Variants in PCDH15 observed in about 807,000 individuals in gnomAD.
The protein encoded by PCDH15 is protocadherin-15.
A neutral mutation model predicts 178.5 loss-of-function variants in PCDH15; 129 were observed. The observed-to-expected ratio is 0.72, with a 90% confidence interval of 0.63 to 0.84. The LOEUF is 0.84. PCDH15 is among the 40% of genes least tolerant of loss of function. The probability of loss-of-function intolerance (pLI) is 0.00; values close to 1 mark genes in which losing one functional copy is unlikely to be tolerated. For missense variants in PCDH15, 2,230 were observed against 2,099.9 expected (o/e 1.06, Z -1.21); for synonymous variants, 800 against 732.0 (o/e 1.09, Z -1.50).
At chr10:55,238,734 T>G (rs1841462000) in intron 1 of PCDH15, among the ~76,000 whole-genome samples, 1 of 151,998 alleles carries the variant, frequency 6.6e-6, no homozygotes, top group South Asian at 2.1e-4. Context: ...TTTTTAATTT[T>G]TATGGGTACA....
intron 1 of PCDH15, among the ~76,000 whole-genome samples, chr10:54,735,895 T>G (rs572178568): frequency 7.7e-6 from 1 of 129,960 alleles, no homozygotes; most frequent in Non-Finnish European, 1.6e-5. Flanking sequence ...AGGGATAGCA[T>G]TGGGAGATAT....
intron 2 of PCDH15, among the ~76,000 whole-genome samples, chr10:55,417,518 C>A (rs1266212658): frequency 1.3e-5 from 2 of 151,146 alleles, no homozygotes; most frequent in Non-Finnish European, 3.0e-5. Flanking sequence ...AATGGCAAAA[C>A]AAAATAATGC....
chr10:54,061,935 C>T lies in PCDH15; in HGVS notation c.2220+4822G>A, dbSNP rs1323443938. ...GTTACTACAACACTACCTTTAAAAA[C>T]TAAATGAGGCCGGGTGTGGTGGCTC... is the stretch of plus-strand genomic sequence containing the variant. On this transcript the variant is annotated intron_variant, in intron 18 of 37. Coordinates refer to ENST00000644397, the MANE Select transcript of PCDH15 (RefSeq NM_001384140.1). Among the ~76,000 whole-genome samples, 7 of 152,072 alleles carry T rather than the reference C, an allele frequency of 4.6e-5. No individual in the cohort carries two copies. The East Asian group carries it at 1.2e-3, about 25-fold the overall frequency.
chr10:54,424,780 G>A (rs1479180043), intron 3 of PCDH15, among the ~76,000 whole-genome samples: 1 of 148,358 alleles, frequency 6.7e-6, no homozygotes, highest in African/African-American at 2.5e-5. Flanking sequence ...AACACCACAT[G>A]TTCTCACTCA....
chr10:53,988,069 C>T lies in PCDH15; in HGVS notation c.2868+7580G>A, dbSNP rs369389574. On this transcript the variant is annotated intron_variant, in intron 21 of 37. Transcript: ENST00000644397. The stretch of plus-strand genomic sequence containing the variant: ...AGCTCTTAGTCTGATATTTTCTGCC[C>T]GATCCATCCCAGGCTCTTTAAATGC... Among the ~76,000 whole-genome samples the T allele has an allele frequency of 1.1e-4, 17 of 152,232 alleles. No individual in the cohort carries two copies. The South Asian group carries it at 1.5e-3, about 13-fold the overall frequency.
intron 2 of PCDH15, among the ~76,000 whole-genome samples, chr10:55,461,230 C>T (rs1839669725): frequency 6.6e-6 from 1 of 152,142 alleles, no homozygotes; most frequent in African/African-American, 2.4e-5. Context: ...ATCATGGTCT[C>T]TTCAGGACGT....
intron 2 of PCDH15, among the ~76,000 whole-genome samples, chr10:54,914,995 A>G (rs1169839003): frequency 6.6e-6 from 1 of 152,238 alleles, no homozygotes; most frequent in Non-Finnish European, 1.5e-5. Flanking sequence ...TTTACCCTGT[A>G]TCACTGGTGA....
chr10:55,384,727 TA>T (rs777854205), intron 2 of PCDH15, among the ~76,000 whole-genome samples: 2 of 152,096 alleles, frequency 1.3e-5, no homozygotes, highest in Admixed American at 6.6e-5. Flanking sequence ...TAGCATGGAA[TA>T]AATGAAAATA....
intron 17 of PCDH15, among the ~76,000 whole-genome samples, chr10:54,072,340 C>A (rs1313461881): frequency 6.6e-6 from 1 of 152,148 alleles, no homozygotes; most frequent in African/African-American, 2.4e-5. Flanking sequence ...TGTTGCTACA[C>A]AGTTCAGAGC....
At chr10:53,908,583 C>T (rs573853312) in intron 25 of PCDH15, among the ~76,000 whole-genome samples, 2 of 152,172 alleles carry the variant, frequency 1.3e-5, no homozygotes, top group African/African-American at 2.4e-5. Context: ...CTAAAATATT[C>T]TTAATTCCAA....
At chr10:55,287,425 G>C (rs192450631) in intron 1 of PCDH15, among the ~76,000 whole-genome samples, 84 of 152,160 alleles carry the variant, frequency 5.5e-4, no homozygotes, top group Non-Finnish European at 9.3e-4. Context: ...TGAAATGACT[G>C]TCAATTAGTG....
At chr10:54,669,856 C>G (rs946731509) in intron 1 of PCDH15, among the ~76,000 whole-genome samples, 5 of 151,508 alleles carry the variant, frequency 3.3e-5, no homozygotes, top group African/African-American at 1.2e-4. Context: ...AGTTCCAGAC[C>G]AGCCTGGCAA....
At chr10:55,249,807 T>C (rs1309817139) in intron 1 of PCDH15, among the ~76,000 whole-genome samples, 1 of 151,978 alleles carries the variant, frequency 6.6e-6, no homozygotes, top group Non-Finnish European at 1.5e-5. Flanking sequence ...ATTAAGAAAT[T>C]ATATATGAAT....
chr10:55,146,417 A>G (rs1838512671), intron 2 of PCDH15, among the ~76,000 whole-genome samples: 1 of 151,912 alleles, frequency 6.6e-6, no homozygotes, highest in Non-Finnish European at 1.5e-5. Context: ...AGAAAGCCAC[A>G]CATTAACAAT....
At chr10:54,681,514 A>G (rs2094898517) in intron 1 of PCDH15, among the ~76,000 whole-genome samples, 1 of 152,118 alleles carries the variant, frequency 6.6e-6, no homozygotes, top group African/African-American at 2.4e-5. Flanking sequence ...AACAGGAGAG[A>G]ATGCTAATAT....
At chr10:55,348,033 T>C (rs1844809803) in intron 2 of PCDH15, among the ~76,000 whole-genome samples, 1 of 152,040 alleles carries the variant, frequency 6.6e-6, no homozygotes, top group African/African-American at 2.4e-5. Context: ...TTATTACAAA[T>C]AATACAAAAA....
At chr10:55,422,044 C>A (rs942543489) in intron 2 of PCDH15, among the ~76,000 whole-genome samples, 20 of 151,598 alleles carry the variant, frequency 1.3e-4, no homozygotes, top group Non-Finnish European at 1.9e-4. Flanking sequence ...TTTAGCCCAA[C>A]CTTCAGCATT....
intron 1 of PCDH15, among the ~76,000 whole-genome samples, chr10:55,205,416 AT>A (rs1353281958): frequency 2.0e-4 from 30 of 152,114 alleles, no homozygotes; most frequent in East Asian, 3.9e-4. Flanking sequence ...ACATATAATT[AT>A]GTATTTTTAC....
chr10:55,511,892 T>C (rs548854877), intron 2 of PCDH15, among the ~76,000 whole-genome samples: 127 of 152,196 alleles, frequency 8.3e-4, no homozygotes, highest in Middle Eastern at 3.4e-3. Flanking sequence ...TACATTTTCA[T>C]TGGCGATTGA....
Sources: gnomAD v4.1 joint callset for allele counts (sites outside exome capture counted in the v4.1 genomes callset) on GRCh38, gnomAD v4.1.1 for gene constraint, MANE v1.5 for transcripts, NCBI Gene and HGNC (gene_info 2026-07-23, HGNC 2026-07-21) for gene names.